The following GPAM variants were observed in gnomAD, a reference collection of about 807,000 sequenced individuals.
GPAM encodes the protein glycerol-3-phosphate acyltransferase 1, mitochondrial.
In GPAM, 56 loss-of-function variants were observed where a neutral mutation model predicts 105.0. The observed-to-expected ratio is 0.53, with a 90% CI of 0.43 to 0.67. The LOEUF (loss-of-function observed/expected upper bound fraction) is 0.67, where lower values mean the gene tolerates loss of function less well. Among genes scored for constraint, GPAM ranks in the 30% least tolerant of loss-of-function variants. The pLI is 0.00. For synonymous variants in GPAM, 368 were observed against 354.4 expected (o/e 1.04, Z -0.43); for missense variants, 855 against 989.8 (o/e 0.86, Z 1.83).
At chr10:112,173,501 A>C (rs1263428720) in intron 7 of GPAM, among the ~76,000 whole-genome samples, 198 bp downstream of exon 7, 1 of 152,242 alleles carries the variant, frequency 6.6e-6, no homozygotes, top group Non-Finnish European at 1.5e-5. Flanking sequence ...ACAGATATGA[A>C]GGCACCTTCA....
intron 4 of GPAM, among the ~76,000 whole-genome samples, chr10:112,179,026 G>C (rs925897463): frequency 6.6e-6 from 1 of 152,116 alleles, no homozygotes; most frequent in Non-Finnish European, 1.5e-5. Flanking sequence ...TGCTGAAAAA[G>C]CACAATGTTC....
chr10:112,155,763 CAGGAT>C (rs898237126), intron 20 of GPAM, 96 bp downstream of exon 20: 2 of 697,564 alleles, frequency 2.9e-6, no homozygotes, highest in African/African-American at 3.7e-5. Context: ...TGTTAGAGGT[CAGGAT>C]AAGTTTGCAT....
intron 9 of GPAM, among the ~76,000 whole-genome samples, chr10:112,171,822 C>T (rs1472396381): frequency 6.6e-6 from 1 of 152,118 alleles, no homozygotes; most frequent in Non-Finnish European, 1.5e-5. Flanking sequence ...TATCACTAAC[C>T]CTTCTCCCAC....
intron 1 of GPAM, among the ~76,000 whole-genome samples, chr10:112,213,282 C>A (rs1847933120): frequency 6.6e-6 from 1 of 152,174 alleles, no homozygotes; most frequent in South Asian, 2.1e-4. Flanking sequence ...CTGCCATTTA[C>A]TGTGTTAACT....
At chr10:112,216,707 T>A (rs752385851), upstream of GPAM, among the ~76,000 whole-genome samples, 2 of 152,040 alleles carry the variant, frequency 1.3e-5, no homozygotes, top group Non-Finnish European at 1.5e-5. Context: ...CACTGCAGCC[T>A]CTGCCTCCTA....
chr10:112,216,303 C>T (rs1288748682), upstream of GPAM, among the ~76,000 whole-genome samples: 3 of 152,326 alleles, frequency 2.0e-5, no homozygotes, highest in African/African-American at 7.2e-5. Context: ...TGACTGGGGG[C>T]ACTGAGGTGA....
intron 1 of GPAM, among the ~76,000 whole-genome samples, chr10:112,208,310 C>G (rs190478529): frequency 2.0e-5 from 3 of 152,296 alleles, no homozygotes; most frequent in African/African-American, 7.2e-5. Flanking sequence ...CCTGAAATAT[C>G]AATGAAAAAT....
At chr10:112,217,320 C>A (rs185786479), upstream of GPAM, among the ~76,000 whole-genome samples, 111 of 152,140 alleles carry the variant, frequency 7.3e-4, no homozygotes, top group African/African-American at 2.6e-3. Context: ...TCAAGGTTTA[C>A]TTCATTTCTT....
At chr10:112,226,856 T>A in the GPAM span, among the ~76,000 whole-genome samples, 4 of 151,796 alleles carry the variant, frequency 2.6e-5, no homozygotes, top group Admixed American at 2.6e-4. Context: ...GAGCCCTGGA[T>A]TCCATCCAAG....
At chr10:112,171,604 C>G (rs1206025893) in intron 9 of GPAM, among the ~76,000 whole-genome samples, 2 of 152,176 alleles carry the variant, frequency 1.3e-5, no homozygotes, top group Non-Finnish European at 2.9e-5. Flanking sequence ...CCCAATTGTC[C>G]ATCACTTCCC....
At chr10:112,176,893 T>C (rs1013370768) in intron 5 of GPAM, among the ~76,000 whole-genome samples, 6 of 152,226 alleles carry the variant, frequency 3.9e-5, no homozygotes, top group Admixed American at 6.5e-5. Context: ...AATAGTTTCA[T>C]TCTGCCTCGT....
chr10:112,189,037 G>C (rs1847625870), intron 1 of GPAM, among the ~76,000 whole-genome samples: 1 of 151,574 alleles, frequency 6.6e-6, no homozygotes, highest in Non-Finnish European at 1.5e-5. Context: ...TGTTCAAGTA[G>C]CTGCAGATCT....
At chr10:112,217,462 T>C (rs982365838), upstream of GPAM, among the ~76,000 whole-genome samples, 1 of 151,564 alleles carries the variant, frequency 6.6e-6, no homozygotes, top group African/African-American at 2.4e-5. Flanking sequence ...TGTGATATCA[T>C]GAATAATGCT....
At chr10:112,215,632 C>T (rs1190492359), upstream of GPAM, among the ~76,000 whole-genome samples, 1 of 152,198 alleles carries the variant, frequency 6.6e-6, no homozygotes, top group Admixed American at 6.5e-5. Context: ...GCTCAGTAAC[C>T]TCATTCTCAG....
chr10:112,186,353 C>T (rs554175513), upstream of GPAM, among the ~76,000 whole-genome samples: 54 of 151,276 alleles, frequency 3.6e-4, no homozygotes, highest in South Asian at 0.011. Flanking sequence ...ATTTTGACAT[C>T]GAATTGCCAA....
At chr10:112,184,824 CAGAG>C (rs1589600872), upstream of GPAM, among the ~76,000 whole-genome samples, 1 of 151,874 alleles carries the variant, frequency 6.6e-6, no homozygotes, top group East Asian at 1.9e-4. Flanking sequence ...GAAAGCTACA[CAGAG>C]AAAGAAGGAG....
the GPAM span, among the ~76,000 whole-genome samples, chr10:112,220,566 A>C: frequency 1.3e-5 from 2 of 152,138 alleles, no homozygotes; most frequent in Admixed American, 6.5e-5. Flanking sequence ...AATTTCCTTG[A>C]GGCTAGGTAA....
chr10:112,215,197 A>T (rs1847955585), exon 1 of GPAM: 1 of 152,158 alleles, frequency 6.6e-6, no homozygotes, highest in South Asian at 2.1e-4. Flanking sequence ...GTGTTTGAGG[A>T]ATTATTTCCA....
chr10:112,191,836 G>T (rs776467632), intron 1 of GPAM, among the ~76,000 whole-genome samples: 1 of 152,288 alleles, frequency 6.6e-6, no homozygotes, highest in Non-Finnish European at 1.5e-5. Context: ...GGGGTCTGAT[G>T]GTGGCTCAGC....
Sources: gnomAD v4.1 joint callset for allele counts (sites outside exome capture counted in the v4.1 genomes callset) on GRCh38, gnomAD v4.1.1 for gene constraint, MANE v1.5 for transcripts, NCBI Gene and HGNC (gene_info 2026-07-23, HGNC 2026-07-21) for gene names.